Variants in KALRN observed in about 807,000 individuals in gnomAD.
The protein encoded by KALRN is kalirin.
A neutral mutation model predicts 353.7 loss-of-function variants in KALRN; 70 were observed. The observed-to-expected ratio is 0.20, with a 90% confidence interval of 0.16 to 0.24. KALRN has a LOEUF of 0.24. Ranked by LOEUF, KALRN falls within the 10% of genes least tolerant of loss-of-function variation. The pLI, the probability that KALRN is intolerant of heterozygous loss-of-function variation, is 1.00. For synonymous variants in KALRN, 1,391 were observed against 1,434.8 expected, an observed-to-expected ratio of 0.97 and a Z score of 0.69; for missense variants, 2,791 against 3,756.7, an observed-to-expected ratio of 0.74 and a Z score of 6.72.
intron 34 of KALRN, among the ~76,000 whole-genome samples, chr3:124,613,913 T>C (rs1320882172): frequency 1.3e-5 from 2 of 152,192 alleles, no homozygotes; most frequent in African/African-American, 4.8e-5. Context: ...GTCCTGATGA[T>C]CTTTCTGTAT....
chr3:124,413,332 T>C (rs2092305554), intron 13 of KALRN, 138 bp from the exon 14 acceptor site: 1 of 696,130 alleles, frequency 1.4e-6, no homozygotes, highest in Admixed American at 2.9e-5. Context: ...GCTTAAATAG[T>C]CTAAGGGTTG....
Position 124,659,443 on chromosome 3 carries a change from C to G in KALRN, c.6202C>G (p.Gln2068Glu), listed in dbSNP as rs2084530697. ...GCCCATTCAGAGAATAACAAAATAC[C>G]AGTTGCTCCTCAAGGTAAGAAGCTG... Reference protein sequence around the residue: ...IKPIQRITKYQLLLKDFLRYS... With the variant: ...IKPIQRITKYELLLKDFLRYS... The change falls in exon 43 of 60, where the codon CAG becomes GAG. Residue 2068 changes from glutamine to glutamate, a missense_variant. This residue lies in a region of KALRN where 1,065 missense variants were observed against 1,156.4 expected (regional missense o/e 0.92). Coordinates refer to ENST00000682506, the MANE Select transcript of KALRN (RefSeq NM_001388419.1). The G allele has an allele frequency of 1.2e-5, 19 of 1,611,706 alleles. No homozygotes were observed. The highest frequency in any genetic ancestry group is 1.6e-5 in the Non-Finnish European group (19 of 1,177,982).
intron 13 of KALRN, among the ~76,000 whole-genome samples, chr3:124,400,559 T>G (rs1306040238): frequency 6.6e-6 from 1 of 152,310 alleles, no homozygotes; most frequent in East Asian, 1.9e-4. Context: ...ACACACATTT[T>G]GAAAAACAAT....
At chr3:124,426,467 G>T (rs1488787240) in intron 15 of KALRN, among the ~76,000 whole-genome samples, 1 of 152,158 alleles carries the variant, frequency 6.6e-6, no homozygotes, top group Non-Finnish European at 1.5e-5. Context: ...GTTTAGATTT[G>T]ATCATGGCCC....
chr3:124,321,706 T>G (rs2079358348), intron 6 of KALRN, among the ~76,000 whole-genome samples: 1 of 152,220 alleles, frequency 6.6e-6, no homozygotes, highest in South Asian at 2.1e-4. Flanking sequence ...GGTGTCAATA[T>G]ACACGGTTTT....
At chr3:124,705,129 G>A (rs1225153795) in intron 57 of KALRN, among the ~76,000 whole-genome samples, 6 of 152,092 alleles carry the variant, frequency 3.9e-5, no homozygotes, top group African/African-American at 1.4e-4. Flanking sequence ...AGAAGGCAGG[G>A]GATTGTCACT....
chr3:124,444,954 A>G (rs960040789), intron 19 of KALRN, among the ~76,000 whole-genome samples: 3 of 152,190 alleles, frequency 2.0e-5, no homozygotes, highest in Admixed American at 2.0e-4. Flanking sequence ...CATAAAATCA[A>G]CAAAAACTTC....
At chr3:124,080,069 A>C (rs2060461909) in intron 1 of KALRN, 1 of 470,930 alleles carries the variant, frequency 2.1e-6, no homozygotes, top group African/African-American at 2.0e-5. Context: ...ATTGGATCCA[A>C]CCCATTGTTC....
intron 34 of KALRN, among the ~76,000 whole-genome samples, chr3:124,580,537 A>G (rs2074529054): frequency 6.6e-6 from 1 of 152,224 alleles, no homozygotes; most frequent in Admixed American, 6.5e-5. Flanking sequence ...TCTTGAGAAT[A>G]TTAACTTAAA....
At chr3:124,137,716 TG>T (rs2066097140) in intron 1 of KALRN, among the ~76,000 whole-genome samples, 1 of 152,132 alleles carries the variant, frequency 6.6e-6, no homozygotes, top group Non-Finnish European at 1.5e-5. Context: ...TACTGGAGGC[TG>T]GAGGAAGAGG....
At position 124,210,790 on chromosome 3, in the gene KALRN, A is replaced by G. The variant is rs190349150; in HGVS notation, c.74-17200A>G. On this transcript the variant is annotated intron_variant, in intron 1 of 59. Transcript: ENST00000682506. ...GGATGGTGAATGCTTCCAAATTTAC[A>G]TATAGATTTTGATGGAAAGATTTTA... 5.1e-4 allele frequency among the ~76,000 whole-genome samples: 78 copies of G among 152,328 alleles called. 1 individual carries two copies. Among genetic ancestry groups the G allele is most frequent in the Non-Finnish European group, 3.2e-4 (22 of 68,032 alleles).
In KALRN at chr3:124,348,385, G is replaced by C. The variant is rs2149566801; in HGVS notation, c.1770+1120G>C. Reference sequence around the variant, plus strand: ...TGTGCTATGGATGCAAAAAGAGATGGCATGTCAACAACCAAGCAAGAACAG... The same window carrying C: ...TGTGCTATGGATGCAAAAAGAGATGCCATGTCAACAACCAAGCAAGAACAG... On this transcript the variant is annotated intron_variant, in intron 10 of 59. Coordinates refer to ENST00000682506, the MANE Select transcript of KALRN (RefSeq NM_001388419.1). Among the ~76,000 whole-genome samples the C allele has an allele frequency of 2.0e-5, 3 of 152,288 alleles. No individual in the cohort carries two copies. In the East Asian group the frequency reaches 5.8e-4, roughly 30 times the overall value.
At position 124,441,033 on chromosome 3, in the gene KALRN, G is replaced by A. The variant is rs2093651206; in HGVS notation, c.3199-912G>A. Among the ~76,000 whole-genome samples, 2 of 152,130 alleles carry A rather than the reference G, an allele frequency of 1.3e-5. 1 individual carries two copies. Among genetic ancestry groups the A allele is most frequent in the South Asian group, 4.1e-4 (2 of 4,822 alleles). Reference sequence around the variant, plus strand: ...CGTAAAGGGGGTAGGTAATATAACAGCTGTTAGTCCTTTATGTAGACTGGC... The same window carrying A: ...CGTAAAGGGGGTAGGTAATATAACAACTGTTAGTCCTTTATGTAGACTGGC... On this transcript the variant is annotated intron_variant, in intron 18 of 59. Coordinates refer to ENST00000682506, the MANE Select transcript of KALRN (RefSeq NM_001388419.1).
intron 34 of KALRN, among the ~76,000 whole-genome samples, chr3:124,588,585 C>T (rs775873971): frequency 5.3e-5 from 8 of 152,050 alleles, no homozygotes; most frequent in South Asian, 2.1e-4. Flanking sequence ...CCACCATGCC[C>T]GGCTAATTTT....
At chr3:124,481,390 AGAGAT>A (rs2061968791) in intron 27 of KALRN, among the ~76,000 whole-genome samples, 1 of 151,952 alleles carries the variant, frequency 6.6e-6, no homozygotes, top group African/African-American at 2.4e-5. Context: ...TATTTTTTGT[AGAGAT>A]GGGATCTGGC....
chr3:124,190,660 T>A (rs1454896197), intron 1 of KALRN, among the ~76,000 whole-genome samples: 1 of 152,172 alleles, frequency 6.6e-6, no homozygotes, highest in Non-Finnish European at 1.5e-5. Flanking sequence ...GAAAGGTGTA[T>A]TAGGGCCATA....
chr3:124,055,374 C>A (rs1441069791), intron 1 of KALRN, among the ~76,000 whole-genome samples: 1 of 152,208 alleles, frequency 6.6e-6, no homozygotes, highest in Non-Finnish European at 1.5e-5. Flanking sequence ...CCACTAAACA[C>A]GTCTCTTGAA....
intron 33 of KALRN, among the ~76,000 whole-genome samples, chr3:124,539,660 C>G (rs181695368): frequency 2.0e-5 from 3 of 152,200 alleles, no homozygotes; most frequent in Non-Finnish European, 2.9e-5. Context: ...AGAAGGTAGA[C>G]AAGCCTTGGG....
At chr3:124,677,554 A>G (rs1157356301) in intron 49 of KALRN, 3 of 456,534 alleles carry the variant, frequency 6.6e-6, no homozygotes, top group South Asian at 4.7e-5. Flanking sequence ...ATTCACAAAC[A>G]CTGAGTGATA....
Sources: gnomAD v4.1 joint callset for allele counts (sites outside exome capture counted in the v4.1 genomes callset) on GRCh38, gnomAD v4.1.1 for gene constraint, gnomAD v4.1.1 regional missense constraint, MANE v1.5 for transcripts, NCBI Gene and HGNC (gene_info 2026-07-23, HGNC 2026-07-21) for gene names.